Variants in TMEM207 observed in about 807,000 individuals in gnomAD.
The protein encoded by TMEM207 is transmembrane protein 207.
In TMEM207, 15 loss-of-function variants were observed where a neutral mutation model predicts 17.4. The observed-to-expected ratio is 0.86, with a 90% CI of 0.58 to 1.33. The LOEUF (loss-of-function observed/expected upper bound fraction) is 1.33. Ranked by LOEUF, TMEM207 falls within the 40% of genes most tolerant of loss-of-function variation. TMEM207 has a pLI of 0.00. For synonymous variants in TMEM207, 70 were observed against 65.6 expected (o/e 1.07, Z -0.33); for missense variants, 205 against 173.8 (o/e 1.18, Z -1.01).
At chr3:190,431,199 A>G (rs1719684891) in intron 4 of TMEM207, among the ~76,000 whole-genome samples, 1 of 152,100 alleles carries the variant, frequency 6.6e-6, no homozygotes, top group African/African-American at 2.4e-5. Flanking sequence ...TTGGGCTATT[A>G]CATAATATTT....
At chr3:190,444,487 A>C in intron 2 of TMEM207, 1 of 970,860 alleles carries the variant, frequency 1.0e-6, no homozygotes, top group Non-Finnish European at 1.2e-6. Context: ...CAAATGCTTT[A>C]AGGAAATACT....
In TMEM207 at chr3:190,447,130, C is replaced by G. The variant is rs552008029; in HGVS notation, c.113+660G>C. 1.1e-4 allele frequency among the ~76,000 whole-genome samples: 16 copies of G among 152,086 alleles called. No individual in the cohort carries two copies. The South Asian group carries it at 3.3e-3, about 32-fold the overall frequency. On this transcript the variant is annotated intron_variant, in intron 2 of 4. Transcript: ENST00000354905. ...CTTTGAGTGTAACAGGCAATGAAGA[C>G]TGAAAACAGCTGCTAACAGTAAGGG...
At chr3:190,445,513 A>C (rs780578436) in intron 2 of TMEM207, among the ~76,000 whole-genome samples, 2 of 152,222 alleles carry the variant, frequency 1.3e-5, no homozygotes, top group Non-Finnish European at 2.9e-5. Context: ...TAAATAGGGA[A>C]TAATAAAATA....
chr3:190,439,864 T>G (rs1719890398), intron 4 of TMEM207, among the ~76,000 whole-genome samples: 1 of 152,200 alleles, frequency 6.6e-6, no homozygotes, highest in Non-Finnish European at 1.5e-5. Flanking sequence ...GAAAGCTCAG[T>G]AAATGAATTT....
chr3:190,445,414 C>G (rs1720022933), intron 2 of TMEM207, among the ~76,000 whole-genome samples: 1 of 152,106 alleles, frequency 6.6e-6, no homozygotes. Context: ...GACAGCACAG[C>G]AAAGCTTTGT....
chr3:190,436,799 G>A lies in TMEM207; in HGVS notation c.304+3445C>T, dbSNP rs977992295. Among the ~76,000 whole-genome samples, 15 of 152,266 alleles carry A rather than the reference G, an allele frequency of 9.9e-5. No homozygotes were observed. The East Asian group carries it at 2.7e-3, about 27-fold the overall frequency. ...GAAGTTACTAGGTAAGAAGTCACTA[G>A]AGATGGGAGATCACCACTTCCTAAA... On this transcript the variant is annotated intron_variant, in intron 4 of 4. Coordinates refer to ENST00000354905, the MANE Select transcript of TMEM207 (RefSeq NM_207316.3).
chr3:190,438,756 A>T lies in TMEM207; in HGVS notation c.304+1488T>A, dbSNP rs1012246778. ...GAGGTAAATAAAGAAAAATAGTCCA[A>T]TGTTAGCATGTTGACTCCTTTGACT... On this transcript the variant is annotated intron_variant, in intron 4 of 4. Coordinates refer to ENST00000354905, the MANE Select transcript of TMEM207 (RefSeq NM_207316.3). Among the ~76,000 whole-genome samples the T allele has an allele frequency of 2.6e-5, 4 of 152,326 alleles. No individual in the cohort carries two copies. The East Asian group carries it at 7.7e-4, about 29-fold the overall frequency.
chr3:190,435,334 C>T (rs1439275090), intron 4 of TMEM207, among the ~76,000 whole-genome samples: 1 of 152,160 alleles, frequency 6.6e-6, no homozygotes, highest in Non-Finnish European at 1.5e-5. Flanking sequence ...TGTCTGTGTG[C>T]TAATATCTTC....
Position 190,441,451 on chromosome 3 carries a change from C to T in TMEM207, c.145G>A (p.Gly49Ser). 5 of 1,612,152 alleles carry T rather than the reference C, an allele frequency of 3.1e-6. No homozygotes were observed. Among genetic ancestry groups the T allele is most frequent in the Non-Finnish European group, 4.2e-6 (5 of 1,178,730 alleles). Residue 49 changes from glycine (G) to serine (S), a missense_variant, in exon 3 of 5, where the codon GGC becomes AGC. By Grantham distance (56) the Gly-to-Ser change is moderately conservative. Transcript: ENST00000354905. ...CVNYNDQHPN[G>S]WYIWILLLLV... ...AGATATCCTTACCAGATATACCAGC[C>T]ATTAGGGTGTTGGTCATTATAATTT...
intron 3 of TMEM207, 46 bp downstream of exon 3, chr3:190,441,392 T>A: frequency 6.8e-7 from 1 of 1,461,148 alleles, no homozygotes; most frequent in East Asian, 2.3e-5. Flanking sequence ...ACAAAGACTG[T>A]ATATACCACC....
intron 2 of TMEM207, among the ~76,000 whole-genome samples, chr3:190,443,154 T>C (rs905149471): frequency 2.6e-5 from 4 of 151,772 alleles, no homozygotes; most frequent in African/African-American, 9.7e-5. Flanking sequence ...GCTTTTTTTT[T>C]TTTTTGTTTT....
chr3:190,440,804 C>G (rs528989982), intron 3 of TMEM207, among the ~76,000 whole-genome samples: 2 of 152,282 alleles, frequency 1.3e-5, no homozygotes, highest in Admixed American at 1.3e-4. Context: ...CGCGGTGGCT[C>G]AAGCCTGTAA....
At chr3:190,446,957 G>A (rs1468594271) in intron 2 of TMEM207, among the ~76,000 whole-genome samples, 3 of 152,132 alleles carry the variant, frequency 2.0e-5, no homozygotes, top group African/African-American at 7.2e-5. Flanking sequence ...TAAAGAAATA[G>A]CAATCGAGAG....
At chr3:190,439,047 G>C (rs1381298488) in intron 4 of TMEM207, among the ~76,000 whole-genome samples, 1 of 151,920 alleles carries the variant, frequency 6.6e-6, no homozygotes, top group Non-Finnish European at 1.5e-5. Flanking sequence ...CGTGGTGGCG[G>C]GCGCCTGTAG....
At chr3:190,442,503 TA>T (rs1466157056) in intron 2 of TMEM207, among the ~76,000 whole-genome samples, 1 of 152,208 alleles carries the variant, frequency 6.6e-6, no homozygotes, top group Non-Finnish European at 1.5e-5. Context: ...AGTGTCAATT[TA>T]AAAATTCTAT....
chr3:190,441,018 G>T (rs375657136), intron 3 of TMEM207, among the ~76,000 whole-genome samples: 5 of 152,032 alleles, frequency 3.3e-5, no homozygotes, highest in Admixed American at 2.6e-4. Flanking sequence ...GCATTGAGCC[G>T]AGATGGCGCC....
intron 4 of TMEM207, among the ~76,000 whole-genome samples, chr3:190,439,944 T>G (rs758801969): frequency 6.6e-6 from 1 of 152,188 alleles, no homozygotes; most frequent in African/African-American, 2.4e-5. Flanking sequence ...AACCCTACCA[T>G]TCACCTGGAC....
At chr3:190,448,107 A>T (rs1720089649) in intron 1 of TMEM207, among the ~76,000 whole-genome samples, 1 of 152,082 alleles carries the variant, frequency 6.6e-6, no homozygotes, top group Admixed American at 6.6e-5. Flanking sequence ...TTTTTTCTAT[A>T]TGCAGATTTT....
intron 2 of TMEM207, among the ~76,000 whole-genome samples, chr3:190,445,831 T>TTTTG (rs900850333): frequency 7.9e-5 from 12 of 152,002 alleles, no homozygotes; most frequent in Admixed American, 3.9e-4. Flanking sequence ...GGTCGACCAG[T>TTTTG]TTTGTTTGTT....
Sources: allele counts gnomAD v4.1 joint callset (sites outside exome capture counted in the v4.1 genomes callset), GRCh38; gene constraint gnomAD v4.1.1; transcripts MANE v1.5; gene names NCBI Gene and HGNC (gene_info 2026-07-23, HGNC 2026-07-21).